The following CAPZB variants were observed in gnomAD, a reference collection of about 807,000 sequenced individuals.
CAPZB encodes the protein F-actin-capping protein subunit beta.
CAPZB carries 2 observed loss-of-function variants against 38.1 expected under a neutral mutation model. The observed-to-expected ratio is 0.05, with a 90% CI of 0.02 to 0.17. The LOEUF (loss-of-function observed/expected upper bound fraction) is 0.17, where lower values mean the gene tolerates loss of function less well. Among genes scored for constraint, CAPZB ranks in the 10% least tolerant of loss-of-function variants. CAPZB has a pLI of 1.00. For synonymous variants in CAPZB, 107 were observed against 127.4 expected, an observed-to-expected ratio of 0.84 and a Z score of 1.08; for missense variants, 161 against 334.2, an observed-to-expected ratio of 0.48 and a Z score of 4.04.
intron 4 of CAPZB, among the ~76,000 whole-genome samples, chr1:19,371,712 T>A (rs1398892002): frequency 6.6e-6 from 1 of 152,192 alleles, no homozygotes; most frequent in Non-Finnish European, 1.5e-5. Context: ...TTCTGCACTC[T>A]TTCCCTGGAA....
In CAPZB at chr1:19,367,166, C is replaced by T. The variant is rs6426794; in HGVS notation, c.330-9603G>A. 2.9e-3 allele frequency among the ~76,000 whole-genome samples: 441 copies of T among 152,354 alleles called. 2 individuals carry two copies. Among genetic ancestry groups the T allele is most frequent in the African/African-American group, 9.9e-3 (412 of 41,590 alleles). On this transcript the variant is annotated intron_variant, in intron 4 of 8. Coordinates refer to ENST00000264202, the MANE Select transcript of CAPZB (RefSeq NM_004930.5). Reference sequence around the variant, plus strand: ...GTTGCAAAGTCCAGAGAGCTGCAGACGGCACACGAGGGGCTGGAGAGTGTG... The same window carrying T: ...GTTGCAAAGTCCAGAGAGCTGCAGATGGCACACGAGGGGCTGGAGAGTGTG...
At chr1:19,466,112 G>A (rs1237458433) in intron 1 of CAPZB, among the ~76,000 whole-genome samples, 1 of 152,160 alleles carries the variant, frequency 6.6e-6, no homozygotes, top group African/African-American at 2.4e-5. Context: ...TGGGACAGAG[G>A]CGACACTAAT....
At chr1:19,462,679 A>C (rs1381270500) in intron 1 of CAPZB, among the ~76,000 whole-genome samples, 1 of 152,232 alleles carries the variant, frequency 6.6e-6, no homozygotes, top group Non-Finnish European at 1.5e-5. Context: ...ATGTGCTTCA[A>C]AACAGTTAAA....
chr1:19,393,043 G>A (rs187609421), intron 2 of CAPZB, among the ~76,000 whole-genome samples: 3 of 152,274 alleles, frequency 2.0e-5, no homozygotes, highest in African/African-American at 7.2e-5. Context: ...CCACTACTTA[G>A]TGTAGAGAAA....
intron 4 of CAPZB, among the ~76,000 whole-genome samples, chr1:19,364,188 C>A (rs1343832551): frequency 1.3e-5 from 2 of 152,244 alleles, no homozygotes; most frequent in Non-Finnish European, 2.9e-5. Context: ...TTGGCACCAA[C>A]ACAGTGCAAA....
chr1:19,411,925 C>A (rs886981339), intron 2 of CAPZB, among the ~76,000 whole-genome samples: 1 of 152,210 alleles, frequency 6.6e-6, no homozygotes, highest in Non-Finnish European at 1.5e-5. Context: ...TGAAGGGCCG[C>A]CATCCTCCGG....
intron 2 of CAPZB, among the ~76,000 whole-genome samples, chr1:19,416,036 G>A (rs1478090518): frequency 2.0e-5 from 3 of 152,234 alleles, no homozygotes; most frequent in Non-Finnish European, 4.4e-5. Context: ...AAGGCCCCAG[G>A]TGGCCTCCAC....
rs576080905 is a variant in CAPZB, at chr1:19,384,318, G to A, written c.215+1187C>T. On this transcript the variant is annotated intron_variant, in intron 3 of 8. Coordinates refer to ENST00000264202, the MANE Select transcript of CAPZB (RefSeq NM_004930.5). ...CATCCTGGTGAGCTCATCACCCAGG[G>A]CCTCAGCACCCAGCAGGCTCTTCCC... Among the ~76,000 whole-genome samples, 3 of 152,104 alleles carry A rather than the reference G, an allele frequency of 2.0e-5. 1 individual carries two copies. The South Asian group carries it at 6.2e-4, about 32-fold the overall frequency.
At chr1:19,368,312 T>C (rs2100372755) in intron 4 of CAPZB, among the ~76,000 whole-genome samples, 1 of 152,066 alleles carries the variant, frequency 6.6e-6, no homozygotes, top group Admixed American at 6.5e-5. Context: ...TAGATGCCCG[T>C]ATGAAGCCAC....
intron 8 of CAPZB, among the ~76,000 whole-genome samples, chr1:19,340,935 A>G (rs1253024508): frequency 6.6e-6 from 1 of 152,128 alleles, no homozygotes; most frequent in Non-Finnish European, 1.5e-5. Context: ...CGTTTGATTC[A>G]CACCAGCCAT....
chr1:19,351,686 C>G (rs750567377), intron 6 of CAPZB, among the ~76,000 whole-genome samples: 4 of 152,186 alleles, frequency 2.6e-5, no homozygotes, highest in Non-Finnish European at 5.9e-5. Flanking sequence ...GGATCTGAAT[C>G]AAGGTCTGGG....
At chr1:19,345,041 G>A (rs1339089202) in intron 7 of CAPZB, 146 bp downstream of exon 7, 2 of 684,568 alleles carry the variant, frequency 2.9e-6, no homozygotes, top group African/African-American at 1.8e-5. Flanking sequence ...AAAATATGAG[G>A]CCAGGGCAAA....
intron 4 of CAPZB, among the ~76,000 whole-genome samples, chr1:19,360,455 A>C (rs1357421158): frequency 6.6e-6 from 1 of 152,168 alleles, no homozygotes; most frequent in Non-Finnish European, 1.5e-5. Flanking sequence ...TCCTTCACAG[A>C]TCCATGCAGA....
chr1:19,461,125 G>T (rs2094550473), intron 1 of CAPZB, among the ~76,000 whole-genome samples: 1 of 151,960 alleles, frequency 6.6e-6, no homozygotes, highest in Admixed American at 6.5e-5. Flanking sequence ...TTCCAGCACA[G>T]CACGTGGCTC....
intron 2 of CAPZB, among the ~76,000 whole-genome samples, chr1:19,415,076 C>T (rs1257281637): frequency 6.6e-6 from 1 of 152,260 alleles, no homozygotes; most frequent in African/African-American, 2.4e-5. Context: ...TTCAATACCA[C>T]TCTGTAATCA....
chr1:19,373,361 G>C (rs1192082113), intron 4 of CAPZB, among the ~76,000 whole-genome samples: 1 of 152,206 alleles, frequency 6.6e-6, no homozygotes, highest in Non-Finnish European at 1.5e-5. Flanking sequence ...AAGGCCTGCT[G>C]GTCAACCCGT....
intron 2 of CAPZB, among the ~76,000 whole-genome samples, chr1:19,416,860 CAAA>C (rs59789230): frequency 1.1e-3 from 78 of 69,426 alleles, no homozygotes; most frequent in African/African-American, 4.5e-3. Flanking sequence ...GACCCTGTCT[CAAA>C]AAAAAAAAAA....
rs11356951 is a variant in CAPZB at position 19,404,543 on chromosome 1, TAA to T, written c.93+15116_93+15117del. Among the ~76,000 whole-genome samples, 709 of 128,024 alleles carry T rather than the reference TAA, an allele frequency of 5.5e-3. 2 individuals carry two copies. The highest frequency in any genetic ancestry group is 0.026 in the South Asian group (97 of 3,704). The allele number at this position is 128,024 out of a possible 152,430, so 84.0% of individuals were successfully genotyped here. On this transcript the variant is annotated intron_variant, in intron 2 of 8. Coordinates refer to ENST00000264202, the MANE Select transcript of CAPZB (RefSeq NM_004930.5). ...TGGGTGACAGAGCAAAACTCCATGT[TAA>T]AAAAAAAAAAAAAAAAAAAGAGGTA...
chr1:19,442,835 T>G (rs2094482481), intron 1 of CAPZB, among the ~76,000 whole-genome samples: 1 of 152,160 alleles, frequency 6.6e-6, no homozygotes, highest in Non-Finnish European at 1.5e-5. Flanking sequence ...TTAGGAAAGT[T>G]CCGTTGCTCC....
Sources: gnomAD v4.1 joint callset for allele counts (sites outside exome capture counted in the v4.1 genomes callset) on GRCh38, gnomAD v4.1.1 for gene constraint, MANE v1.5 for transcripts, NCBI Gene and HGNC (gene_info 2026-07-23, HGNC 2026-07-21) for gene names.